GPCPD1: variants seen among roughly 807,000 people sequenced by gnomAD.
GPCPD1 encodes glycerophosphocholine phosphodiesterase GPCPD1.
Under a neutral mutation model 89.2 loss-of-function variants are expected in GPCPD1, and 29 were observed. The ratio of observed to expected loss-of-function variants is 0.33; its 90% confidence interval spans 0.24 to 0.44. GPCPD1 has a LOEUF of 0.44. Among genes scored for constraint, GPCPD1 ranks in the 20% least tolerant of loss-of-function variants. GPCPD1 has a pLI of 1.00. For synonymous variants in GPCPD1, 258 were observed against 266.3 expected, an observed-to-expected ratio of 0.97 and a Z score of 0.30; for missense variants, 594 against 808.9, an observed-to-expected ratio of 0.73 and a Z score of 3.22.
intron 4 of GPCPD1, among the ~76,000 whole-genome samples, chr20:5,592,379 A>C (rs144101499): frequency 1.3e-5 from 2 of 152,370 alleles, no homozygotes; most frequent in East Asian, 3.9e-4. Flanking sequence ...CCACAATGTA[A>C]TTTAAGTTCA....
chr20:5,578,154 A>G (rs1011456210), intron 8 of GPCPD1, among the ~76,000 whole-genome samples: 1 of 152,212 alleles, frequency 6.6e-6, no homozygotes, highest in Non-Finnish European at 1.5e-5. Flanking sequence ...GGCATCAAAG[A>G]CATCTGGTCT....
intron 1 of GPCPD1, among the ~76,000 whole-genome samples, chr20:5,606,910 C>T (rs1980623583): frequency 6.6e-6 from 1 of 152,212 alleles, no homozygotes; most frequent in Non-Finnish European, 1.5e-5. Flanking sequence ...CACCAATGTG[C>T]AGTCATGTCA....
intron 19 of GPCPD1, among the ~76,000 whole-genome samples, chr20:5,556,713 A>G (rs1333052418): frequency 1.3e-5 from 2 of 152,218 alleles, no homozygotes; most frequent in Non-Finnish European, 2.9e-5. Flanking sequence ...CTGCCAAAGA[A>G]GCTGATGGAA....
At chr20:5,579,962 A>C (rs188340748) in intron 7 of GPCPD1, 46 bp downstream of exon 7, 1 of 1,249,440 alleles carries the variant, frequency 8.0e-7, no homozygotes, top group Non-Finnish European at 1.1e-6. Context: ...AATCTACAGC[A>C]CTAGTGAAAA....
intron 1 of GPCPD1, 147 bp downstream of exon 1, chr20:5,610,695 C>A (rs238289): frequency 0.037 from 5,612 of 151,180 alleles, 148 homozygotes; most frequent in Non-Finnish European, 0.059. Context: ...CGTTCCCCTG[C>A]GGGCAGTGGC....
At chr20:5,607,996 T>C (rs1980712829) in intron 1 of GPCPD1, among the ~76,000 whole-genome samples, 1 of 152,128 alleles carries the variant, frequency 6.6e-6, no homozygotes, top group Non-Finnish European at 1.5e-5. Context: ...CAACCTCATA[T>C]ACATGATTAA....
At chr20:5,569,746 C>T (rs1440305217) in intron 12 of GPCPD1, among the ~76,000 whole-genome samples, 1 of 152,142 alleles carries the variant, frequency 6.6e-6, no homozygotes, top group East Asian at 1.9e-4. Flanking sequence ...AACTCCAAAC[C>T]TCTTTTTGAA....
intron 6 of GPCPD1, among the ~76,000 whole-genome samples, chr20:5,581,661 G>T (rs1978492654): frequency 6.6e-6 from 1 of 151,966 alleles, no homozygotes; most frequent in Non-Finnish European, 1.5e-5. Context: ...CTTAACATAG[G>T]TAATAAAATG....
At chr20:5,587,484 C>T (rs569662213) in intron 4 of GPCPD1, among the ~76,000 whole-genome samples, 9 of 152,122 alleles carry the variant, frequency 5.9e-5, no homozygotes, top group Non-Finnish European at 1.2e-4. Context: ...TCCCCTGCCT[C>T]GGCCTCCTGA....
intron 9 of GPCPD1, 122 bp downstream of exon 9, chr20:5,575,694 C>T: frequency 1.2e-6 from 1 of 861,284 alleles, no homozygotes; most frequent in Non-Finnish European, 1.8e-6. Context: ...AACAGACATG[C>T]TCCTTAAATT....
intron 8 of GPCPD1, among the ~76,000 whole-genome samples, chr20:5,578,011 T>C (rs1043953950): frequency 6.6e-6 from 1 of 152,224 alleles, no homozygotes; most frequent in African/African-American, 2.4e-5. Flanking sequence ...CAGGCTTCCA[T>C]CATAGTGAGA....
chr20:5,578,925 C>T (rs1031297615), intron 7 of GPCPD1, among the ~76,000 whole-genome samples: 4 of 152,268 alleles, frequency 2.6e-5, no homozygotes, highest in East Asian at 1.9e-4. Context: ...CAGTGGCTCA[C>T]GCCTGTAATC....
intron 3 of GPCPD1, among the ~76,000 whole-genome samples, chr20:5,595,138 GCTCAAATGATTGT>G: frequency 6.6e-6 from 1 of 152,100 alleles, no homozygotes. Context: ...TTCACTAAAG[GCTCAAATGATTGT>G]ATCATTTTTT....
intron 6 of GPCPD1, among the ~76,000 whole-genome samples, chr20:5,580,975 G>A (rs1278352584): frequency 6.6e-6 from 1 of 151,566 alleles, no homozygotes; most frequent in Non-Finnish European, 1.5e-5. Flanking sequence ...CCAGGTTCAA[G>A]AGATTCTCAT....
At chr20:5,590,854 T>G (rs1441523719) in intron 4 of GPCPD1, among the ~76,000 whole-genome samples, 1 of 152,216 alleles carries the variant, frequency 6.6e-6, no homozygotes, top group Non-Finnish European at 1.5e-5. Context: ...TGAGTGAATG[T>G]TAGCAGCTAT....
At position 5,595,206 on chromosome 20, in the gene GPCPD1, T is replaced by G. The variant is rs1045631970; in HGVS notation, c.147-1795A>C. On this transcript the variant is annotated intron_variant, in intron 3 of 19. Coordinates refer to ENST00000379019, the MANE Select transcript of GPCPD1 (RefSeq NM_019593.5). ...ATTAAGGTATGTACATTTTTAAAAA[T>G]CACTGCTTTAAACAAACCAACATGG... Among the ~76,000 whole-genome samples, 3 of 152,186 alleles carry G rather than the reference T, an allele frequency of 2.0e-5. No individual in the cohort carries two copies. The East Asian group carries it at 5.8e-4, about 29-fold the overall frequency.
At chr20:5,596,736 A>G (rs1490831793) in intron 3 of GPCPD1, among the ~76,000 whole-genome samples, 1 of 152,206 alleles carries the variant, frequency 6.6e-6, no homozygotes, top group Non-Finnish European at 1.5e-5. Context: ...AGACAGGGGC[A>G]CAGCAGACTT....
intron 1 of GPCPD1, among the ~76,000 whole-genome samples, chr20:5,609,847 T>TG (rs963799138): frequency 1.5e-4 from 12 of 77,910 alleles, no homozygotes; most frequent in African/African-American, 2.6e-4. Context: ...TTAGGAATTT[T>TG]GAAAAAAAAA....
At chr20:5,572,339 T>C (rs986887002) in intron 11 of GPCPD1, among the ~76,000 whole-genome samples, 1 of 152,182 alleles carries the variant, frequency 6.6e-6, no homozygotes, top group Admixed American at 6.5e-5. Context: ...AACAATCTAC[T>C]AACATTTTAA....
Sources: gnomAD v4.1 joint callset for allele counts (sites outside exome capture counted in the v4.1 genomes callset) on GRCh38, gnomAD v4.1.1 for gene constraint, MANE v1.5 for transcripts, NCBI Gene and HGNC (gene_info 2026-07-23, HGNC 2026-07-21) for gene names.